PCNT: variants seen among roughly 807,000 people sequenced by gnomAD.
PCNT encodes kendrin.
In PCNT, 319 loss-of-function variants were observed where a neutral mutation model predicts 380.4. The ratio of observed to expected loss-of-function variants is 0.84; its 90% CI spans 0.77 to 0.92. PCNT has a LOEUF of 0.92. PCNT is among the 40% of genes least tolerant of loss of function. PCNT has a pLI of 0.00. For synonymous variants in PCNT, 1,845 were observed against 1,735.2 expected, an observed-to-expected ratio of 1.06 and a Z score of -1.57; for missense variants, 4,400 against 4,255.3, an observed-to-expected ratio of 1.03 and a Z score of -0.95.
At position 46,411,841 on chromosome 21, in the gene PCNT, G is replaced by T. The variant is rs779223539; in HGVS notation, c.5768G>T (p.Arg1923Leu). The T allele has an allele frequency of 3.2e-6, 5 of 1,560,784 alleles. No homozygotes were observed. The African/African-American group carries it at 5.4e-5, about 17-fold the overall frequency. ...GCGCCTCCCGAGCTGCAGTGGCTCCGAGCGCAGTGTGCCCGCCTCAGCCGC... is the reference window on the plus strand; with the variant it reads ...GCGCCTCCCGAGCTGCAGTGGCTCCTAGCGCAGTGTGCCCGCCTCAGCCGC... The part of the protein sequence containing the change: ...GAAPPELQWL[R>L]AQCARLSRQL... Residue 1923 changes from arginine to leucine, a missense_variant, in exon 28 of 47, where the codon CGA (arginine) becomes CTA (leucine). Physicochemically the swap from Arg to Leu is moderately radical, Grantham distance 102. Transcript: ENST00000359568.
At chr21:46,376,515 G>A (rs1213563862) in intron 15 of PCNT, among the ~76,000 whole-genome samples, 1 of 152,232 alleles carries the variant, frequency 6.6e-6, no homozygotes, top group Non-Finnish European at 1.5e-5. Flanking sequence ...CTGTGTCTGA[G>A]CATGAGCTGT....
intron 2 of PCNT, among the ~76,000 whole-genome samples, chr21:46,327,294 C>T (rs552920865): frequency 3.6e-4 from 55 of 152,176 alleles, no homozygotes; most frequent in African/African-American, 1.2e-3. Flanking sequence ...CTCCTGACCT[C>T]GTGATCTGCC....
chr21:46,409,409 G>C (rs555005399), intron 27 of PCNT, among the ~76,000 whole-genome samples: 32 of 151,818 alleles, frequency 2.1e-4, no homozygotes, highest in Non-Finnish European at 4.0e-4. Context: ...GGCTGGTCTC[G>C]AACGCCTAAC....
intron 37 of PCNT, 139 bp downstream of exon 37, chr21:46,430,796 G>T: frequency 6.6e-7 from 1 of 1,518,838 alleles, no homozygotes. Context: ...AGCAGGATAG[G>T]GCTGTGTTTG....
chr21:46,423,807 G>A (rs1283605735), intron 32 of PCNT, among the ~76,000 whole-genome samples: 3 of 82,064 alleles, frequency 3.7e-5, no homozygotes, highest in Non-Finnish European at 7.7e-5. Context: ...AAGAGAAGGG[G>A]GAGTGGGAGG....
intron 32 of PCNT, among the ~76,000 whole-genome samples, chr21:46,423,130 CTT>C (rs1555994040): frequency 2.0e-5 from 3 of 151,022 alleles, no homozygotes; most frequent in Non-Finnish European, 1.5e-5. Context: ...AATAAAAAAA[CTT>C]ATTTTACTTT....
rs986974174 is a variant in PCNT, at chr21:46,355,578, G to C, written c.1888G>C (p.Ala630Pro). The C allele has an allele frequency of 6.2e-7, 1 of 1,614,038 alleles. No homozygotes were observed. The highest frequency in any genetic ancestry group is 2.2e-5 in the East Asian group (1 of 44,884). Residue 630 changes from alanine (A) to proline (P), a missense_variant, in exon 12 of 47, where the codon GCA (alanine) becomes CCA (proline). Coordinates refer to ENST00000359568, the MANE Select transcript of PCNT (RefSeq NM_006031.6). The stretch of plus-strand genomic sequence containing the variant: ...AGACAGATGCTGCGTAGAGACTTCA[G>C]CATTGGGACACGAGTGGCGTCTGGA... ...VSDRCCVETSALGHEWRLEPS... is the reference protein window; with the variant it reads ...VSDRCCVETSPLGHEWRLEPS...
chr21:46,326,466 G>A lies in PCNT; in HGVS notation c.144G>A (p.Ala48=), dbSNP rs376166347. 1.6e-5 allele frequency: 26 copies of A among 1,614,132 alleles called. No homozygotes were observed. Among genetic ancestry groups the A allele is most frequent in the Admixed American group, 3.3e-5 (2 of 60,002 alleles). Residue 48 remains alanine, a synonymous_variant, in exon 2 of 47, where the codon GCG becomes GCA. Coordinates refer to ENST00000359568, the MANE Select transcript of PCNT (RefSeq NM_006031.6). ...TAKRKGSAVD[A]SVQEESPVTK... is the part of the protein sequence containing the mutation. ...AGAGGAAGGGCTCGGCTGTCGATGCGTCTGTCCAGGAGGAGAGTCCGGTAA... is the reference window on the plus strand; with the variant it reads ...AGAGGAAGGGCTCGGCTGTCGATGCATCTGTCCAGGAGGAGAGTCCGGTAA...
At chr21:46,427,576 GC>G in intron 33 of PCNT, 45 bp from the exon 34 acceptor site, 1 of 1,611,154 alleles carries the variant, frequency 6.2e-7, no homozygotes, top group Non-Finnish European at 8.5e-7. Context: ...GCACAAGGAT[GC>G]AGGTGCATTT....
chr21:46,436,479 C>A (rs1448579676), intron 39 of PCNT, among the ~76,000 whole-genome samples: 1 of 76,190 alleles, frequency 1.3e-5, no homozygotes, highest in African/African-American at 4.4e-5. Flanking sequence ...GGCCCCCCCC[C>A]CCCCCCCCCG....
At chr21:46,335,219 G>A (rs1482550123) in intron 3 of PCNT, among the ~76,000 whole-genome samples, 2 of 152,186 alleles carry the variant, frequency 1.3e-5, no homozygotes, top group Non-Finnish European at 2.9e-5. Flanking sequence ...TGCCAGTTGA[G>A]AGCCTGGCAG....
intron 16 of PCNT, among the ~76,000 whole-genome samples, chr21:46,383,553 A>G (rs1462318614): frequency 7.1e-6 from 1 of 141,038 alleles, no homozygotes; most frequent in East Asian, 2.3e-4. Context: ...AGTGTTGTAT[A>G]TTCAGTGATG....
intron 15 of PCNT, among the ~76,000 whole-genome samples, chr21:46,374,102 T>G (rs375679966): frequency 1.6e-4 from 24 of 151,848 alleles, no homozygotes; most frequent in East Asian, 1.2e-3. Context: ...TGTGGGGAGG[T>G]GGGATGTACT....
chr21:46,324,341 G>A (rs1027836041), intron 1 of PCNT, 59 bp downstream of exon 1: 4 of 1,399,906 alleles, frequency 2.9e-6, no homozygotes, highest in Non-Finnish European at 4.0e-6. Flanking sequence ...GGGCGGCTCC[G>A]GTGCCCGCCA....
At chr21:46,357,222 C>A in intron 13 of PCNT, 31 bp downstream of exon 13, 1 of 1,437,958 alleles carries the variant, frequency 7.0e-7, no homozygotes, top group South Asian at 1.1e-5. Flanking sequence ...CCAGCGCCTC[C>A]CGCCCGAGTC....
At position 46,357,082 on chromosome 21, in the gene PCNT, C is replaced by G. The variant is rs758904995; in HGVS notation, c.2045C>G (p.Ser682Trp). 1.1e-5 allele frequency: 18 copies of G among 1,613,740 alleles called. No homozygotes were observed. Among genetic ancestry groups the G allele is most frequent in the Admixed American group, 1.7e-5 (1 of 60,002 alleles). The part of the protein sequence containing the change: ...GLETEHKVQL[S>W]LLQTELKEEI... ...GAAACTGAGCACAAGGTGCAACTTT[C>G]GCTTCTTCAGACTGAGCTCAAAGAA... is the stretch of plus-strand genomic sequence containing the variant. Residue 682 changes from serine to tryptophan, a missense_variant, in exon 13 of 47, where the codon TCG becomes TGG. Ser to Trp is a radical substitution (Grantham distance 177). Coordinates refer to ENST00000359568, the MANE Select transcript of PCNT (RefSeq NM_006031.6).
At chr21:46,422,630 T>C (rs2087302680) in intron 32 of PCNT, among the ~76,000 whole-genome samples, 1 of 152,204 alleles carries the variant, frequency 6.6e-6, no homozygotes, top group Non-Finnish European at 1.5e-5. Context: ...GGCAAAACCA[T>C]TGACAAAAAC....
intron 3 of PCNT, among the ~76,000 whole-genome samples, chr21:46,337,707 C>T (rs796258192): frequency 2.7e-4 from 41 of 152,312 alleles, no homozygotes; most frequent in African/African-American, 8.7e-4. Context: ...CTCAGCCTCC[C>T]GAGTTGCTGG....
chr21:46,350,336 C>T (rs1464772707), intron 8 of PCNT, among the ~76,000 whole-genome samples: 1 of 152,194 alleles, frequency 6.6e-6, no homozygotes, highest in Non-Finnish European at 1.5e-5. Flanking sequence ...GACAGTTACA[C>T]AAATCGCAGA....
Sources: allele counts gnomAD v4.1 joint callset (sites outside exome capture counted in the v4.1 genomes callset), GRCh38; gene constraint gnomAD v4.1.1; transcripts MANE v1.5; gene names NCBI Gene and HGNC (gene_info 2026-07-23, HGNC 2026-07-21).